SLC24A3: variants seen among roughly 807,000 people sequenced by gnomAD.
SLC24A3 encodes the protein sodium/potassium/calcium exchanger 3.
A neutral mutation model predicts 75.8 loss-of-function variants in SLC24A3; 28 were observed. The observed-to-expected ratio is 0.37, with a 90% CI of 0.27 to 0.51. SLC24A3 has a LOEUF of 0.51. Ranked by LOEUF, SLC24A3 falls within the 20% of genes least tolerant of loss-of-function variation. SLC24A3 has a pLI of 0.94. For synonymous variants in SLC24A3, 372 were observed against 334.1 expected, an observed-to-expected ratio of 1.11 and a Z score of -1.24; for missense variants, 663 against 847.8, an observed-to-expected ratio of 0.78 and a Z score of 2.71.
At chr20:19,468,937 G>C (rs960509596) in intron 2 of SLC24A3, among the ~76,000 whole-genome samples, 1 of 152,154 alleles carries the variant, frequency 6.6e-6, no homozygotes, top group Admixed American at 6.5e-5. Context: ...GTAATGAAAA[G>C]AGGGATTGGA....
At chr20:19,241,959 C>T (rs1198052223) in intron 1 of SLC24A3, among the ~76,000 whole-genome samples, 3 of 152,156 alleles carry the variant, frequency 2.0e-5, no homozygotes, top group East Asian at 1.9e-4. Context: ...CATCGGGCAG[C>T]GAGTCTGAAT....
chr20:19,679,256 C>A (rs1327771863), intron 9 of SLC24A3, among the ~76,000 whole-genome samples: 4 of 152,210 alleles, frequency 2.6e-5, no homozygotes, highest in Admixed American at 2.6e-4. Flanking sequence ...ATCCCAGCAC[C>A]TCCGGAGGCC....
At chr20:19,488,073 A>G (rs1427306025) in intron 2 of SLC24A3, among the ~76,000 whole-genome samples, 2 of 152,190 alleles carry the variant, frequency 1.3e-5, no homozygotes, top group Middle Eastern at 3.2e-3. Flanking sequence ...CAGAAGATTG[A>G]TGGGGCTGGT....
intron 9 of SLC24A3, among the ~76,000 whole-genome samples, chr20:19,680,477 G>A (rs1000188484): frequency 1.3e-5 from 2 of 152,190 alleles, no homozygotes; most frequent in African/African-American, 4.8e-5. Flanking sequence ...CAGGAGGCAT[G>A]GTGATGTCTG....
At chr20:19,481,189 T>C (rs934539583) in intron 2 of SLC24A3, among the ~76,000 whole-genome samples, 1 of 151,262 alleles carries the variant, frequency 6.6e-6, no homozygotes, top group Non-Finnish European at 1.5e-5. Context: ...GGCAACACTC[T>C]CAAGAGAAGG....
chr20:19,575,085 A>T (rs2031109084), intron 3 of SLC24A3, among the ~76,000 whole-genome samples: 1 of 151,532 alleles, frequency 6.6e-6, no homozygotes, highest in South Asian at 2.1e-4. Context: ...CTCTGACTCT[A>T]AAAAAAATAC....
chr20:19,548,598 A>G (rs1239926372), intron 3 of SLC24A3, among the ~76,000 whole-genome samples: 2 of 152,236 alleles, frequency 1.3e-5, no homozygotes, highest in East Asian at 3.8e-4. Context: ...GGCTAACGCC[A>G]AGGTGTCAGC....
chr20:19,341,173 C>T (rs1308791619), intron 2 of SLC24A3, among the ~76,000 whole-genome samples: 1 of 152,188 alleles, frequency 6.6e-6, no homozygotes, highest in Non-Finnish European at 1.5e-5. Flanking sequence ...TTTGAGTCTT[C>T]CAGGTGGATA....
At chr20:19,266,449 A>C (rs1343744628) in intron 1 of SLC24A3, among the ~76,000 whole-genome samples, 2 of 152,218 alleles carry the variant, frequency 1.3e-5, no homozygotes, top group Non-Finnish European at 2.9e-5. Flanking sequence ...TCTAGGCATG[A>C]ATTAAGAAAA....
chr20:19,448,021 C>T (rs529700714), intron 2 of SLC24A3, among the ~76,000 whole-genome samples: 2 of 152,338 alleles, frequency 1.3e-5, no homozygotes, highest in South Asian at 2.1e-4. Flanking sequence ...AAAATGAGCT[C>T]GCTCTTCCCA....
At chr20:19,480,210 G>T (rs1210327105) in intron 2 of SLC24A3, among the ~76,000 whole-genome samples, 1 of 152,198 alleles carries the variant, frequency 6.6e-6, no homozygotes, top group African/African-American at 2.4e-5. Flanking sequence ...GAAAGTTGCA[G>T]TTCCTAGGAG....
chr20:19,286,791 G>A (rs1983829017), intron 2 of SLC24A3, among the ~76,000 whole-genome samples: 1 of 152,198 alleles, frequency 6.6e-6, no homozygotes, highest in South Asian at 2.1e-4. Flanking sequence ...TTAATAATAT[G>A]TTTTATTTGA....
At chr20:19,327,456 G>A (rs1984890675) in intron 2 of SLC24A3, among the ~76,000 whole-genome samples, 3 of 152,248 alleles carry the variant, frequency 2.0e-5, no homozygotes, top group South Asian at 4.1e-4. Flanking sequence ...AACAAGAGAA[G>A]TGGCAGTGAG....
chr20:19,270,384 A>G (rs1261489705), intron 1 of SLC24A3, among the ~76,000 whole-genome samples: 2 of 152,148 alleles, frequency 1.3e-5, no homozygotes, highest in Non-Finnish European at 2.9e-5. Flanking sequence ...TTTGAGACAT[A>G]TCTTAGTTCA....
At chr20:19,248,122 G>GA (rs532583973) in intron 1 of SLC24A3, among the ~76,000 whole-genome samples, 71 of 152,114 alleles carry the variant, frequency 4.7e-4, no homozygotes, top group African/African-American at 1.5e-3. Flanking sequence ...CCCAAAAATA[G>GA]AAAAAAACAA....
intron 2 of SLC24A3, among the ~76,000 whole-genome samples, chr20:19,432,948 A>G (rs1272658678): frequency 6.6e-6 from 1 of 152,222 alleles, no homozygotes; most frequent in African/African-American, 2.4e-5. Flanking sequence ...CTATTGCTCA[A>G]GGTCATCGCC....
intron 3 of SLC24A3, among the ~76,000 whole-genome samples, chr20:19,573,291 T>C (rs1466281541): frequency 1.3e-5 from 2 of 152,240 alleles, no homozygotes; most frequent in East Asian, 3.8e-4. Flanking sequence ...GCCATGATGA[T>C]TTCCTGTTAT....
chr20:19,513,096 A>G (rs1470129577), intron 2 of SLC24A3, among the ~76,000 whole-genome samples: 2 of 152,012 alleles, frequency 1.3e-5, no homozygotes, highest in Non-Finnish European at 2.9e-5. Context: ...TGGCAGCTAC[A>G]CTGAAAAATG....
At chr20:19,268,872 G>T (rs2122207176) in intron 1 of SLC24A3, among the ~76,000 whole-genome samples, 1 of 152,240 alleles carries the variant, frequency 6.6e-6, no homozygotes, top group East Asian at 1.9e-4. Flanking sequence ...TTCTTCCCAG[G>T]CAAAGAAGGA....
Sources: gnomAD v4.1 joint callset for allele counts (sites outside exome capture counted in the v4.1 genomes callset) on GRCh38, gnomAD v4.1.1 for gene constraint, MANE v1.5 for transcripts, NCBI Gene and HGNC (gene_info 2026-07-23, HGNC 2026-07-21) for gene names.